The following RBFOX3 variants were observed in gnomAD, a reference collection of about 807,000 sequenced individuals.
RBFOX3 encodes RNA binding fox-1 homolog 3.
Under a neutral mutation model 48.7 loss-of-function variants are expected in RBFOX3, and 17 were observed. That is an observed-to-expected ratio of 0.35 (90% confidence interval 0.24 to 0.52). The LOEUF (loss-of-function observed/expected upper bound fraction) is 0.52. RBFOX3 is among the 20% of genes least tolerant of loss of function. The pLI, the probability that RBFOX3 is intolerant of heterozygous loss-of-function variation, is 0.94. For missense variants in RBFOX3, 382 were observed against 497.5 expected, an observed-to-expected ratio of 0.77 and a Z score of 2.21; for synonymous variants, 212 against 209.5, an observed-to-expected ratio of 1.01 and a Z score of -0.10.
chr17:79,514,011 T>C (rs2084894267), intron 1 of RBFOX3, among the ~76,000 whole-genome samples: 1 of 152,180 alleles, frequency 6.6e-6, no homozygotes, highest in African/African-American at 2.4e-5. Flanking sequence ...TGAAGCACTG[T>C]GATTGGTCCA....
chr17:79,649,542 C>T, the RBFOX3 span, among the ~76,000 whole-genome samples: 19 of 152,258 alleles, frequency 1.2e-4, no homozygotes, highest in African/African-American at 3.8e-4. Flanking sequence ...CCCGTCTCTA[C>T]GAAAAATACA....
chr17:79,540,772 TC>T (rs782293806), intron 1 of RBFOX3, among the ~76,000 whole-genome samples: 1 of 152,068 alleles, frequency 6.6e-6, no homozygotes, highest in Non-Finnish European at 1.5e-5. Context: ...AAAGTGGAGG[TC>T]GATGAAATAT....
intron 1 of RBFOX3, among the ~76,000 whole-genome samples, chr17:79,608,112 G>C (rs1165380176): frequency 6.6e-6 from 1 of 152,216 alleles, no homozygotes; most frequent in African/African-American, 2.4e-5. Context: ...GGGCGAGGAG[G>C]GCAGGCTGTG....
chr17:79,351,577 T>C (rs1381876952), intron 2 of RBFOX3, among the ~76,000 whole-genome samples: 2 of 152,306 alleles, frequency 1.3e-5, no homozygotes, highest in East Asian at 3.9e-4. Flanking sequence ...TTGCATTTCC[T>C]TGGTGACGAT....
rs912386280 is a variant in RBFOX3 at position 79,590,230 on chromosome 17, G to A, written c.-320+20596C>T. On this transcript the variant is annotated intron_variant, in intron 1 of 14. Transcript: ENST00000693108. ...AGGCCCTGATAGGGGACAGACACGC[G>A]CCAAGATAGCACGCGGTAAGAGACA... Among the ~76,000 whole-genome samples, 53 of 152,070 alleles carry A rather than the reference G, an allele frequency of 3.5e-4. 1 individual carries two copies. The highest frequency in any genetic ancestry group is 1.1e-3 in the African/African-American group (44 of 41,388).
upstream of RBFOX3, among the ~76,000 whole-genome samples, chr17:79,612,011 C>T (rs1044688238): frequency 6.6e-6 from 1 of 152,028 alleles, no homozygotes; most frequent in African/African-American, 2.4e-5. Context: ...GCAGAGGGAG[C>T]AGGAGAGCAG....
chr17:79,476,587 T>C (rs1567824), intron 2 of RBFOX3, among the ~76,000 whole-genome samples: 151,540 of 152,268 alleles, frequency 1, 75,411 homozygotes, highest in Middle Eastern at 1. Flanking sequence ...TCCAGCCACA[T>C]GTTTCCCCTT....
intron 2 of RBFOX3, among the ~76,000 whole-genome samples, chr17:79,424,882 C>T (rs2067085263): frequency 6.6e-6 from 1 of 152,118 alleles, no homozygotes; most frequent in Non-Finnish European, 1.5e-5. Flanking sequence ...CAAAGCCCCT[C>T]CCCACCATGG....
At chr17:79,292,034 C>T (rs984445195) in intron 3 of RBFOX3, among the ~76,000 whole-genome samples, 2 of 152,114 alleles carry the variant, frequency 1.3e-5, no homozygotes, top group Non-Finnish European at 2.9e-5. Context: ...AAGCCAGCCA[C>T]GGAGCTCTCT....
At chr17:79,526,278 G>A (rs1156939930) in intron 1 of RBFOX3, among the ~76,000 whole-genome samples, 1 of 152,202 alleles carries the variant, frequency 6.6e-6, no homozygotes, top group Non-Finnish European at 1.5e-5. Context: ...ACCCTGCCTG[G>A]AGGAGCCACC....
intron 1 of RBFOX3, chr17:79,601,779 TATC>T (rs2093710049): frequency 2.0e-5 from 3 of 152,188 alleles, no homozygotes; most frequent in African/African-American, 7.2e-5. Flanking sequence ...CTGATACTGT[TATC>T]AGTGATCTGG....
chr17:79,268,240 C>T (rs1448918444), intron 3 of RBFOX3, among the ~76,000 whole-genome samples: 2 of 152,140 alleles, frequency 1.3e-5, no homozygotes, highest in Non-Finnish European at 2.9e-5. Context: ...CTAGCCAGAC[C>T]CTGGCCACCC....
At chr17:79,378,454 T>C (rs1342577348) in intron 2 of RBFOX3, among the ~76,000 whole-genome samples, 2 of 152,136 alleles carry the variant, frequency 1.3e-5, no homozygotes, top group Non-Finnish European at 2.9e-5. Context: ...AATAATACGA[T>C]TGAGAGCATT....
At chr17:79,550,040 T>G (rs56255733) in intron 1 of RBFOX3, among the ~76,000 whole-genome samples, 1 of 152,118 alleles carries the variant, frequency 6.6e-6, no homozygotes, top group South Asian at 2.1e-4. Context: ...CCTGAGTCAA[T>G]TGCTCCCTGT....
chr17:79,272,108 G>T (rs1399256688), intron 3 of RBFOX3, among the ~76,000 whole-genome samples: 1 of 152,228 alleles, frequency 6.6e-6, no homozygotes, highest in Non-Finnish European at 1.5e-5. Flanking sequence ...GCGAGGGGGA[G>T]GGTGGTTAAC....
chr17:79,427,251 T>G (rs1286090697), intron 2 of RBFOX3, among the ~76,000 whole-genome samples: 4 of 152,158 alleles, frequency 2.6e-5, no homozygotes, highest in African/African-American at 9.7e-5. Flanking sequence ...CCAGGGAGGC[T>G]CCATTCCACA....
chr17:79,097,668 T>G, intron 10 of RBFOX3, 24 bp downstream of exon 10: 10 of 1,010,904 alleles, frequency 9.9e-6, no homozygotes, highest in Non-Finnish European at 1.4e-5. Context: ...TCTCATCCCA[T>G]CCCCGCCCCG....
At chr17:79,565,644 C>A (rs1255413827) in intron 1 of RBFOX3, among the ~76,000 whole-genome samples, 2 of 152,086 alleles carry the variant, frequency 1.3e-5, no homozygotes, top group African/African-American at 4.8e-5. Flanking sequence ...CCCAGCCTAG[C>A]ACATCTATTT....
At chr17:79,122,664 G>T (rs1490451725) in intron 4 of RBFOX3, among the ~76,000 whole-genome samples, 1 of 151,978 alleles carries the variant, frequency 6.6e-6, no homozygotes, top group Non-Finnish European at 1.5e-5. Context: ...TCAAAAAACT[G>T]AAAACAGCTG....
Sources: allele counts gnomAD v4.1 joint callset (sites outside exome capture counted in the v4.1 genomes callset), GRCh38; gene constraint gnomAD v4.1.1; transcripts MANE v1.5; gene names NCBI Gene and HGNC (gene_info 2026-07-23, HGNC 2026-07-21).